The following ERC2 variants were observed in gnomAD, a reference collection of about 807,000 sequenced individuals.
ERC2 encodes ERC protein 2.
Under a neutral mutation model 114.8 loss-of-function variants are expected in ERC2, and 42 were observed. The ratio of observed to expected loss-of-function variants is 0.37; its 90% CI spans 0.29 to 0.47. The LOEUF (loss-of-function observed/expected upper bound fraction) is 0.47, where lower values mean the gene tolerates loss of function less well. Ranked by LOEUF, ERC2 falls within the 20% of genes least tolerant of loss-of-function variation. The pLI is 0.99. For missense variants in ERC2, 939 were observed against 1,150.7 expected, an observed-to-expected ratio of 0.82 and a Z score of 2.66; for synonymous variants, 454 against 425.5, an observed-to-expected ratio of 1.07 and a Z score of -0.82.
At chr3:56,457,927 TC>T (rs1247904137) in intron 1 of ERC2, among the ~76,000 whole-genome samples, 3 of 152,254 alleles carry the variant, frequency 2.0e-5, no homozygotes, top group African/African-American at 7.2e-5. Flanking sequence ...GCCTGGATGT[TC>T]CCCCAAAGAG....
chr3:56,317,873 G>A (rs1232710362), intron 2 of ERC2, among the ~76,000 whole-genome samples: 2 of 152,204 alleles, frequency 1.3e-5, no homozygotes, highest in Non-Finnish European at 2.9e-5. Flanking sequence ...AGCAGTCAGT[G>A]CACTTCTTCA....
chr3:56,075,196 T>C (rs1055806547), intron 7 of ERC2, among the ~76,000 whole-genome samples: 1 of 152,066 alleles, frequency 6.6e-6, no homozygotes, highest in Admixed American at 6.6e-5. Context: ...GAGTCACATA[T>C]CCCAGACTCT....
intron 1 of ERC2, among the ~76,000 whole-genome samples, chr3:56,463,793 C>T (rs2063422619): frequency 6.6e-6 from 1 of 152,204 alleles, no homozygotes; most frequent in Admixed American, 6.5e-5. Flanking sequence ...TCTCTCCCTG[C>T]TTTAAGGTCC....
chr3:56,309,480 T>C (rs2056415757), intron 2 of ERC2, among the ~76,000 whole-genome samples: 1 of 152,194 alleles, frequency 6.6e-6, no homozygotes. Flanking sequence ...GTTAAGGACT[T>C]AAGTTCTAAT....
At chr3:55,603,123 C>T (rs997655617) in intron 17 of ERC2, among the ~76,000 whole-genome samples, 1 of 152,198 alleles carries the variant, frequency 6.6e-6, no homozygotes, top group East Asian at 1.9e-4. Flanking sequence ...CCTTAAGAAG[C>T]ATTTCCCCCT....
chr3:55,560,048 C>T (rs906279052), intron 17 of ERC2, among the ~76,000 whole-genome samples: 6 of 152,148 alleles, frequency 3.9e-5, no homozygotes, highest in Non-Finnish European at 2.9e-5. Flanking sequence ...GGTACTTCTC[C>T]GGAGTAGTGC....
intron 12 of ERC2, among the ~76,000 whole-genome samples, chr3:55,969,733 C>A (rs2069017683): frequency 6.6e-6 from 1 of 152,204 alleles, no homozygotes; most frequent in East Asian, 1.9e-4. Flanking sequence ...TTGGGATCCT[C>A]TCTTAGGTTT....
At chr3:56,157,337 A>T (rs1333626246) in intron 4 of ERC2, among the ~76,000 whole-genome samples, 2 of 152,104 alleles carry the variant, frequency 1.3e-5, no homozygotes, top group African/African-American at 4.8e-5. Flanking sequence ...GGGAGGAAAA[A>T]ATTTTCAGCA....
chr3:55,562,461 T>C (rs1017259899), intron 17 of ERC2, among the ~76,000 whole-genome samples: 7 of 152,212 alleles, frequency 4.6e-5, no homozygotes, highest in Non-Finnish European at 1.0e-4. Context: ...CCCGCTGCCT[T>C]CTTTTTTAAT....
intron 14 of ERC2, among the ~76,000 whole-genome samples, chr3:55,859,248 G>A (rs933420827): frequency 1.3e-5 from 2 of 152,088 alleles, no homozygotes; most frequent in African/African-American, 4.8e-5. Context: ...TAGCTCCATG[G>A]GGAAACTTTG....
intron 13 of ERC2, among the ~76,000 whole-genome samples, chr3:55,891,591 T>C (rs1455626257): frequency 6.6e-6 from 1 of 151,814 alleles, no homozygotes; most frequent in Non-Finnish European, 1.5e-5. Context: ...GGATTATAGA[T>C]GCATGCCACC....
At chr3:56,289,209 G>A (rs2054921188) in intron 3 of ERC2, among the ~76,000 whole-genome samples, 1 of 151,920 alleles carries the variant, frequency 6.6e-6, no homozygotes, top group Non-Finnish European at 1.5e-5. Flanking sequence ...CTGCACACAG[G>A]TCTACAGCAG....
At chr3:55,802,996 G>A (rs570711550) in intron 14 of ERC2, among the ~76,000 whole-genome samples, 2 of 152,200 alleles carry the variant, frequency 1.3e-5, no homozygotes, top group Admixed American at 6.5e-5. Context: ...TGAAAAGTTC[G>A]CTCATGTGGA....
chr3:56,444,714 C>T (rs1458312199), intron 1 of ERC2, among the ~76,000 whole-genome samples: 3 of 152,214 alleles, frequency 2.0e-5, no homozygotes, highest in Non-Finnish European at 4.4e-5. Context: ...GCACTTCCTG[C>T]TATCTGCTCT....
At chr3:55,877,683 T>C (rs994435617) in intron 14 of ERC2, among the ~76,000 whole-genome samples, 10 of 151,834 alleles carry the variant, frequency 6.6e-5, no homozygotes, top group African/African-American at 2.4e-4. Context: ...GGCTAACTTT[T>C]TGTATTTTTT....
chr3:56,348,972 GAA>G (rs2058444636), intron 2 of ERC2, among the ~76,000 whole-genome samples: 3 of 74,210 alleles, frequency 4.0e-5, no homozygotes, highest in Admixed American at 2.9e-4. Context: ...AAGAAAGAAG[GAA>G]AGAAAGAAGG....
At chr3:56,380,162 T>A (rs1039797608) in intron 2 of ERC2, among the ~76,000 whole-genome samples, 1 of 152,006 alleles carries the variant, frequency 6.6e-6, no homozygotes, top group Admixed American at 6.6e-5. Context: ...TCAATCTGAG[T>A]GTTTCATATA....
chr3:56,176,289 T>C (rs1389252154), intron 3 of ERC2, among the ~76,000 whole-genome samples: 5 of 152,124 alleles, frequency 3.3e-5, no homozygotes, highest in Non-Finnish European at 5.9e-5. Context: ...GTTAAGCTTG[T>C]ATAAAACAAG....
chr3:55,919,887 A>G (rs1239359428), intron 13 of ERC2, among the ~76,000 whole-genome samples: 1 of 152,170 alleles, frequency 6.6e-6, no homozygotes, highest in Admixed American at 6.5e-5. Flanking sequence ...GCGTTCAAGG[A>G]ATAAGGAGGA....
Sources: allele counts gnomAD v4.1 joint callset (sites outside exome capture counted in the v4.1 genomes callset), GRCh38; gene constraint gnomAD v4.1.1; transcripts MANE v1.5; gene names NCBI Gene and HGNC (gene_info 2026-07-23, HGNC 2026-07-21).